Variants in ZNF71 observed in about 807,000 individuals in gnomAD.
ZNF71 encodes zinc finger protein 71, also known as endothelial zinc finger protein induced by tumor necrosis factor alpha.
ZNF71 carries 3 observed loss-of-function variants against 6.7 expected under a neutral mutation model. The ratio of observed to expected loss-of-function variants is 0.45; its 90% CI spans 0.20 to 1.16. ZNF71 has a LOEUF of 1.16. ZNF71 is among the 50% of genes most tolerant of loss of function. The pLI is 0.25. For missense variants in ZNF71, 688 were observed against 728.6 expected, an observed-to-expected ratio of 0.94 and a Z score of 0.64; for synonymous variants, 343 against 311.1, an observed-to-expected ratio of 1.10 and a Z score of -1.08.
intron 2 of ZNF71, chr19:56,610,236 T>A (rs1029183889): frequency 6.6e-6 from 1 of 152,262 alleles, no homozygotes; most frequent in African/African-American, 2.4e-5. Context: ...TGAACCATTT[T>A]ACATCCCCAC....
chr19:56,605,150 T>C (rs2044700182), intron 2 of ZNF71, among the ~76,000 whole-genome samples: 1 of 152,194 alleles, frequency 6.6e-6, no homozygotes. Context: ...AGGAGCAAAA[T>C]AGAAATGTGT....
rs909334542 is a variant in ZNF71, at chr19:56,598,944, C to T, written c.-52-2563C>T. Among the ~76,000 whole-genome samples the T allele has an allele frequency of 2.6e-5, 4 of 152,142 alleles. No homozygotes were observed. The highest frequency in any genetic ancestry group is 7.2e-5 in the African/African-American group (3 of 41,408). ...ACCTGGGAAACTTGCTTAGAAATAC[C>T]GATTCAGGGGCCCTACCCAGGTAGT... On this transcript the variant is annotated intron_variant, in intron 1 of 3. Coordinates refer to ENST00000599599, the MANE Select transcript of ZNF71 (RefSeq NM_001370215.1). The surrounding 1 kb of genome is among the most constrained non-coding windows in gnomAD (Gnocchi z 4.2).
At position 56,621,188 on chromosome 19, in the gene ZNF71, C is replaced by T; in HGVS notation, c.161-80C>T. ...GCCTCATTGGGGTCGGTTTCATTTG[C>T]TCCTTCCTGCTGTGGAGCTTCCTCA... On this transcript the variant is annotated intron_variant, in intron 3 of 3. Transcript: ENST00000599599. The T allele has an allele frequency of 1.6e-5, 23 of 1,434,714 alleles. No homozygotes were observed. In the South Asian group the frequency reaches 3.3e-4, roughly 20 times the overall value. The allele number at this position is 1,434,714 out of a possible 1,614,324, so 88.9% of individuals were successfully genotyped here.
chr19:56,596,957 G>C (rs1238693361), intron 1 of ZNF71, among the ~76,000 whole-genome samples: 1 of 152,158 alleles, frequency 6.6e-6, no homozygotes, highest in African/African-American at 2.4e-5. Context: ...GCCAAACTGG[G>C]TTCAACAGCC....
chr19:56,609,001 A>C (rs887955), intron 2 of ZNF71, among the ~76,000 whole-genome samples: 12 of 152,098 alleles, frequency 7.9e-5, no homozygotes, highest in Admixed American at 7.2e-4. Flanking sequence ...TTGTCCAAAG[A>C]CTTGCCCATA....
intron 2 of ZNF71, among the ~76,000 whole-genome samples, chr19:56,604,620 A>G (rs1218453037): frequency 6.6e-6 from 1 of 152,182 alleles, no homozygotes; most frequent in Non-Finnish European, 1.5e-5. Flanking sequence ...TGTCCAAGGA[A>G]ACACAGCTCA....
chr19:56,611,698 C>T (rs774919360), intron 2 of ZNF71, among the ~76,000 whole-genome samples: 5 of 152,198 alleles, frequency 3.3e-5, no homozygotes, highest in Non-Finnish European at 7.3e-5. Context: ...TCAATATGTG[C>T]CAGCACGGTA....
At chr19:56,601,452 GA>G in intron 1 of ZNF71, 54 bp from the exon 2 acceptor site, 1 of 789,968 alleles carries the variant, frequency 1.3e-6, no homozygotes, top group Non-Finnish European at 1.5e-6. Context: ...CTACATTTGT[GA>G]GGCCAGCCTA....
Position 56,613,933 on chromosome 19 carries a change from C to A in ZNF71, c.155C>A (p.Ser52Ter), listed in dbSNP as rs894645979. 24 of 1,072,200 alleles carry A rather than the reference C, an allele frequency of 2.2e-5. No homozygotes were observed. In the African/African-American group the frequency reaches 3.9e-4, roughly 17 times the overall value. The allele number at this position is 1,072,200 out of a possible 1,614,324, so 66.4% of individuals were successfully genotyped here. A position where few individuals can be genotyped will look rare whatever the true frequency, so the allele number is the denominator to read the frequency against. Residue 52 changes from serine to a stop codon, truncating the protein, a stop_gained, in exon 3 of 4, where the codon TCA becomes TAA. Transcript: ENST00000599599. LOFTEE classifies it low-confidence loss of function (END_TRUNC). The surrounding 1 kb of genome is among the most constrained non-coding windows in gnomAD (Gnocchi z 4.6). ...CTGGAGAACTACAGGAACCTGGTCT[C>A]ACTGGGTAAGGGGCAGCTTCGTTGA... The part of the protein sequence containing the change: ...VMLENYRNLV[S>*]LDWETRPEMK...
intron 2 of ZNF71, among the ~76,000 whole-genome samples, chr19:56,605,369 C>G (rs2044702757): frequency 6.6e-6 from 1 of 152,140 alleles, no homozygotes; most frequent in Admixed American, 6.5e-5. Context: ...AAAAGAGATG[C>G]CCACCAAGGC....
intron 2 of ZNF71, among the ~76,000 whole-genome samples, chr19:56,612,692 T>C (rs574072632): frequency 4.6e-5 from 7 of 152,260 alleles, no homozygotes; most frequent in Admixed American, 1.3e-4. Context: ...ACTATTCAGG[T>C]GATGGGTGCA....
chr19:56,615,468 C>T (rs1023308591), intron 3 of ZNF71, among the ~76,000 whole-genome samples: 5 of 151,568 alleles, frequency 3.3e-5, no homozygotes, highest in South Asian at 2.1e-4. Context: ...CTCATCACTG[C>T]GCTTTTCATT....
rs528110238 is a variant in ZNF71, at chr19:56,613,823, G to A, written c.45G>A (p.Thr15=). 1.1e-5 allele frequency: 12 copies of A among 1,112,622 alleles called. No individual in the cohort carries two copies. The South Asian group carries it at 1.5e-4, about 13-fold the overall frequency. The allele number at this position is 1,112,622 out of a possible 1,614,324, so 68.9% of individuals were successfully genotyped here. The part of the protein sequence containing the change: ...LLTDEALESV[T]FRDVTVDFTQ... ...GTTTCCTCTTACAGGAATCAGTGAC[G>A]TTCAGGGATGTGACTGTGGACTTCA... Residue 15 remains threonine (T), a synonymous_variant, in exon 3 of 4, where the codon ACG becomes ACA. Coordinates refer to ENST00000599599, the MANE Select transcript of ZNF71 (RefSeq NM_001370215.1). This position sits in a 1 kb window ranked among gnomAD's most constrained non-coding sequence, Gnocchi z 4.6.
chr19:56,596,426 T>C (rs73934481), intron 1 of ZNF71, among the ~76,000 whole-genome samples: 39,443 of 151,978 alleles, frequency 0.26, 5,445 homozygotes, highest in Admixed American at 0.34. Flanking sequence ...CTAGTCTGCC[T>C]GCCCACAGTT....
intron 2 of ZNF71, among the ~76,000 whole-genome samples, chr19:56,602,969 C>A (rs1223335621): frequency 1.3e-5 from 2 of 152,196 alleles, no homozygotes; most frequent in East Asian, 3.8e-4. Flanking sequence ...TGAATGTTAA[C>A]AATGAACTTT....
Position 56,621,289 on chromosome 19 carries a change from T to G in ZNF71, c.182T>G (p.Met61Arg). 6.6e-7 allele frequency: 1 copy of G among 1,518,426 alleles called. No homozygotes were observed. The highest frequency in any genetic ancestry group is 8.8e-7 in the Non-Finnish European group (1 of 1,134,590). The allele number at this position is 1,518,426 out of a possible 1,614,324, so 94.1% of individuals were successfully genotyped here. The part of the protein sequence containing the change: ...VSLDWETRPE[M>R]KELDPKNDIS... ...TCAGACTGGGAGACTAGACCTGAAA[T>G]GAAAGAGTTGGATCCAAAGAATGAC... Residue 61 changes from methionine (M) to arginine (R), a missense_variant, in exon 4 of 4, where the codon ATG becomes AGG. Transcript: ENST00000599599.
In ZNF71 at chr19:56,612,462, A is replaced by G. The variant is rs549580038; in HGVS notation, c.34-1350A>G. 2.0e-5 allele frequency among the ~76,000 whole-genome samples: 3 copies of G among 152,308 alleles called. No homozygotes were observed. The East Asian group carries it at 5.8e-4, about 29-fold the overall frequency. ...CTCAGCCATAAAAAATAATGAAATA[A>G]TGTCTTTTACAGCAACTTAGATGGA... On this transcript the variant is annotated intron_variant, in intron 2 of 3. Transcript: ENST00000599599.
rs755112007 is a variant in ZNF71, at chr19:56,621,799, C to T, written c.692C>T (p.Ser231Leu). The T allele has an allele frequency of 1.7e-5, 28 of 1,613,960 alleles. No individual in the cohort carries two copies. Among genetic ancestry groups the T allele is most frequent in the Non-Finnish European group, 2.3e-5 (27 of 1,179,976 alleles). ...DTCGKHFIER[S>L]SLTIHQRVHT... ...TGTGGGAAGCACTTCATCGAGCGCT[C>T]GTCCCTCACCATCCACCAGCGGGTG... is the stretch of plus-strand genomic sequence containing the variant. Residue 231 changes from serine (S) to leucine (L), a missense_variant, in exon 4 of 4, where the codon TCG becomes TTG. Coordinates refer to ENST00000599599, the MANE Select transcript of ZNF71 (RefSeq NM_001370215.1).
At chr19:56,597,123 G>C (rs1381618507) in intron 1 of ZNF71, among the ~76,000 whole-genome samples, 1 of 152,152 alleles carries the variant, frequency 6.6e-6, no homozygotes, top group Non-Finnish European at 1.5e-5. Context: ...ATCTAGGCTG[G>C]ATTAGATATT....
Sources: allele counts gnomAD v4.1 joint callset (sites outside exome capture counted in the v4.1 genomes callset), GRCh38; gene constraint gnomAD v4.1.1; non-coding constraint Gnocchi (gnomAD v3.1); transcripts MANE v1.5; gene names NCBI Gene and HGNC (gene_info 2026-07-23, HGNC 2026-07-21).